DLG2: variants seen among roughly 807,000 people sequenced by gnomAD.
DLG2 encodes discs large MAGUK scaffold protein 2.
Under a neutral mutation model 132.5 loss-of-function variants are expected in DLG2, and 45 were observed. The observed-to-expected ratio is 0.34, with a 90% CI of 0.27 to 0.44. DLG2 has a LOEUF of 0.44. DLG2 is among the 20% of genes least tolerant of loss of function. The probability of loss-of-function intolerance (pLI) is 1.00; values close to 1 mark genes in which losing one functional copy is unlikely to be tolerated. For synonymous variants in DLG2, 424 were observed against 419.6 expected (o/e 1.01, Z -0.13); for missense variants, 1,045 against 1,196.9 (o/e 0.87, Z 1.87).
chr11:84,110,770 T>A (rs986229694), intron 9 of DLG2, among the ~76,000 whole-genome samples: 1 of 152,210 alleles, frequency 6.6e-6, no homozygotes, highest in African/African-American at 2.4e-5. Flanking sequence ...GCAGCTGGGT[T>A]CCAGGTGAAT....
In DLG2 at chr11:85,532,633, G is replaced by A. The variant is rs114395938; in HGVS notation, c.40+66024C>T. ...ATTTCCAGTGCAGTAATATTTGGAT[G>A]GGCAGTGCTGTCATATGTCACATCC... On this transcript the variant is annotated intron_variant, in intron 3 of 27. Coordinates refer to ENST00000376104, the MANE Select transcript of DLG2 (RefSeq NM_001142699.3). Among the ~76,000 whole-genome samples the A allele has an allele frequency of 6.2e-3, 951 of 152,300 alleles. 12 individuals carry two copies. Among genetic ancestry groups the A allele is most frequent in the African/African-American group, 0.022 (905 of 41,556 alleles).
intron 4 of DLG2, among the ~76,000 whole-genome samples, chr11:85,252,129 C>G (rs534992234): frequency 2.0e-5 from 3 of 152,216 alleles, no homozygotes; most frequent in Admixed American, 6.5e-5. Flanking sequence ...TATAATTAAG[C>G]TGGGGAAAGG....
At chr11:84,798,862 T>C (rs2075016225) in intron 6 of DLG2, among the ~76,000 whole-genome samples, 1 of 152,144 alleles carries the variant, frequency 6.6e-6, no homozygotes, top group Non-Finnish European at 1.5e-5. Flanking sequence ...TGTCTAGAAA[T>C]GTTGTCTGGG....
chr11:84,311,554 A>T (rs1200532687), intron 7 of DLG2, among the ~76,000 whole-genome samples: 1 of 152,232 alleles, frequency 6.6e-6, no homozygotes, highest in Non-Finnish European at 1.5e-5. Context: ...AATAATTAAT[A>T]AGTGTCAGTT....
intron 6 of DLG2, among the ~76,000 whole-genome samples, chr11:84,859,425 T>C (rs562140116): frequency 1.2e-4 from 17 of 145,318 alleles, no homozygotes; most frequent in African/African-American, 4.3e-4. Flanking sequence ...TGTATACATA[T>C]ACATATATAT....
intron 6 of DLG2, among the ~76,000 whole-genome samples, chr11:85,074,602 A>T (rs2066285895): frequency 6.6e-6 from 1 of 151,952 alleles, no homozygotes; most frequent in Non-Finnish European, 1.5e-5. Flanking sequence ...ATTTCTGTTA[A>T]CAGTAGAAGA....
At chr11:84,954,983 C>T (rs1217441149) in intron 6 of DLG2, among the ~76,000 whole-genome samples, 2 of 152,198 alleles carry the variant, frequency 1.3e-5, no homozygotes, top group Non-Finnish European at 2.9e-5. Context: ...CAGATAACCT[C>T]TATCACAATT....
At chr11:85,280,847 T>A (rs558760413) in intron 4 of DLG2, among the ~76,000 whole-genome samples, 2 of 152,042 alleles carry the variant, frequency 1.3e-5, no homozygotes, top group Admixed American at 1.3e-4. Flanking sequence ...TCGGAATAGA[T>A]GCTTCTTTTA....
chr11:84,629,302 C>T (rs930587087), intron 6 of DLG2, among the ~76,000 whole-genome samples: 3 of 152,154 alleles, frequency 2.0e-5, no homozygotes, highest in East Asian at 1.9e-4. Flanking sequence ...AAGATCAATA[C>T]AAAATTATTT....
chr11:83,616,966 A>G (rs1029086502), intron 19 of DLG2, among the ~76,000 whole-genome samples: 3 of 152,132 alleles, frequency 2.0e-5, no homozygotes, highest in African/African-American at 7.2e-5. Context: ...TGTGTGTGTT[A>G]TTGTTTCTGC....
At chr11:85,035,991 TAA>T (rs1211502721) in intron 6 of DLG2, among the ~76,000 whole-genome samples, 1 of 152,206 alleles carries the variant, frequency 6.6e-6, no homozygotes, top group African/African-American at 2.4e-5. Flanking sequence ...GGTTTCAAAA[TAA>T]AAAGTTAGGT....
At chr11:83,863,590 G>A (rs946048577) in intron 16 of DLG2, among the ~76,000 whole-genome samples, 3 of 152,028 alleles carry the variant, frequency 2.0e-5, no homozygotes, top group East Asian at 3.9e-4. Flanking sequence ...ATCAGAGAGG[G>A]AACAAATCCC....
intron 6 of DLG2, among the ~76,000 whole-genome samples, chr11:84,884,270 A>C (rs1039740445): frequency 2.0e-5 from 3 of 152,030 alleles, no homozygotes; most frequent in African/African-American, 4.8e-5. Context: ...TGTTGAAGAT[A>C]GGCTCACTTT....
chr11:83,839,385 C>A (rs2057037617), intron 16 of DLG2, among the ~76,000 whole-genome samples: 1 of 152,090 alleles, frequency 6.6e-6, no homozygotes. Flanking sequence ...TTTATTTTTT[C>A]TAATTTAAAT....
At chr11:83,532,080 T>C (rs184606861) in intron 21 of DLG2, among the ~76,000 whole-genome samples, 16 of 152,234 alleles carry the variant, frequency 1.1e-4, no homozygotes, top group African/African-American at 2.6e-4. Context: ...GTGGTGATGG[T>C]TGAATAATTC....
At chr11:84,428,753 A>G (rs1297386964) in intron 7 of DLG2, among the ~76,000 whole-genome samples, 5 of 152,216 alleles carry the variant, frequency 3.3e-5, no homozygotes, top group Non-Finnish European at 5.9e-5. Flanking sequence ...GGAGGTCACA[A>G]TTCAGTCTGT....
rs1555532703 is a variant in DLG2 at position 84,373,262 on chromosome 11, A to AAC, written c.520-121972_520-121971insGT. Among the ~76,000 whole-genome samples the AAC allele has an allele frequency of 3.2e-5, 2 of 61,744 alleles. 1 individual carries two copies. The highest frequency in any genetic ancestry group is 7.8e-4 in the East Asian group (2 of 2,564). 40.5% of individuals were successfully genotyped at this position (61,744 alleles called of 152,430 possible). A position where few individuals can be genotyped will look rare whatever the true frequency, so the allele number is the denominator to read the frequency against. On this transcript the variant is annotated intron_variant, in intron 7 of 27. Coordinates refer to ENST00000376104, the MANE Select transcript of DLG2 (RefSeq NM_001142699.3). ...TTAAGAAACAGTCAAAAAAAAAAAA[A>AAC]AACAAAACAAAAAAAAAACCCACCA... is the stretch of plus-strand genomic sequence containing the variant.
intron 6 of DLG2, among the ~76,000 whole-genome samples, chr11:84,978,353 C>A (rs917657838): frequency 6.6e-6 from 1 of 152,180 alleles, no homozygotes; most frequent in Non-Finnish European, 1.5e-5. Flanking sequence ...ATTGCCAAGA[C>A]AATCCTAAGC....
chr11:84,880,737 T>C (rs911672224), intron 6 of DLG2, among the ~76,000 whole-genome samples: 1 of 152,154 alleles, frequency 6.6e-6, no homozygotes, highest in African/African-American at 2.4e-5. Context: ...TTGTACATAA[T>C]AGTCAACTGT....
Sources: gnomAD v4.1 joint callset for allele counts (sites outside exome capture counted in the v4.1 genomes callset) on GRCh38, gnomAD v4.1.1 for gene constraint, MANE v1.5 for transcripts, NCBI Gene and HGNC (gene_info 2026-07-23, HGNC 2026-07-21) for gene names.